Variants in GABRB1 observed in about 807,000 individuals in gnomAD.
GABRB1 encodes gamma-aminobutyric acid type A receptor subunit beta1, also known as gamma-aminobutyric acid receptor subunit beta-1.
A neutral mutation model predicts 51.6 loss-of-function variants in GABRB1; 17 were observed. The observed-to-expected ratio is 0.33, with a 90% confidence interval of 0.23 to 0.49. The LOEUF is 0.49. Ranked by LOEUF, GABRB1 falls within the 20% of genes least tolerant of loss-of-function variation. The pLI is 0.99. For missense variants in GABRB1, 410 were observed against 600.6 expected, an observed-to-expected ratio of 0.68 and a Z score of 3.32; for synonymous variants, 247 against 218.9, an observed-to-expected ratio of 1.13 and a Z score of -1.14.
chr4:47,057,038 G>C (rs575699074), intron 3 of GABRB1, among the ~76,000 whole-genome samples: 1 of 152,134 alleles, frequency 6.6e-6, no homozygotes, highest in African/African-American at 2.4e-5. Context: ...CCTGGGAGAC[G>C]AGGTTGCAGT....
At chr4:47,040,994 A>G (rs1725813588) in intron 3 of GABRB1, among the ~76,000 whole-genome samples, 1 of 152,132 alleles carries the variant, frequency 6.6e-6, no homozygotes. Flanking sequence ...ACTTACTTAC[A>G]CAGCATCTGG....
chr4:47,032,522 C>A lies in GABRB1; in HGVS notation c.240+38C>A, dbSNP rs778781828. On this transcript the variant is annotated intron_variant, in intron 3 of 8. Transcript: ENST00000295454. Reference sequence around the variant, plus strand: ...CCGAGGGGCCCGGCGGTTCGGCTTACGCAGATGGGAAATGGACAGGTCCCT... The same window carrying A: ...CCGAGGGGCCCGGCGGTTCGGCTTAAGCAGATGGGAAATGGACAGGTCCCT... 4.4e-6 allele frequency: 7 copies of A among 1,588,092 alleles called. No individual in the cohort carries two copies. In the East Asian group the frequency reaches 6.7e-5, roughly 15 times the overall value.
At chr4:47,066,887 T>C (rs1313052031) in intron 3 of GABRB1, among the ~76,000 whole-genome samples, 1 of 152,164 alleles carries the variant, frequency 6.6e-6, no homozygotes, top group Non-Finnish European at 1.5e-5. Context: ...TCCAGAAGGT[T>C]TTCAATTTAC....
chr4:47,352,629 T>C (rs989730307), intron 5 of GABRB1, among the ~76,000 whole-genome samples: 5 of 152,208 alleles, frequency 3.3e-5, no homozygotes, highest in Non-Finnish European at 5.9e-5. Flanking sequence ...AATCAATAAA[T>C]GTAATCCAGC....
intron 4 of GABRB1, among the ~76,000 whole-genome samples, chr4:47,183,816 A>G (rs759020567): frequency 6.6e-6 from 1 of 151,810 alleles, no homozygotes; most frequent in African/African-American, 2.4e-5. Context: ...TGGCTTCTAC[A>G]TTCAAATAGA....
At chr4:47,121,106 TG>T (rs1337661578) in intron 3 of GABRB1, among the ~76,000 whole-genome samples, 1 of 152,138 alleles carries the variant, frequency 6.6e-6, no homozygotes, top group African/African-American at 2.4e-5. Context: ...TAGTCCTTGG[TG>T]GCAAAGCTTA....
intron 4 of GABRB1, among the ~76,000 whole-genome samples, chr4:47,200,849 A>G (rs1038658633): frequency 5.3e-5 from 8 of 152,196 alleles, no homozygotes; most frequent in African/African-American, 1.4e-4. Context: ...TTTGCATAAT[A>G]TAGTGTACAT....
intron 5 of GABRB1, among the ~76,000 whole-genome samples, chr4:47,352,166 A>G (rs1726371977): frequency 6.6e-6 from 1 of 152,268 alleles, no homozygotes; most frequent in Middle Eastern, 3.4e-3. Flanking sequence ...GCCAGTGATG[A>G]CGAGCATTTT....
At chr4:47,145,295 C>A (rs1188806624) in intron 3 of GABRB1, among the ~76,000 whole-genome samples, 2 of 152,016 alleles carry the variant, frequency 1.3e-5, no homozygotes, top group African/African-American at 2.4e-5. Context: ...TTCTGCCAGG[C>A]AGCTCTTTCC....
At chr4:47,119,909 AG>A (rs1216203723) in intron 3 of GABRB1, among the ~76,000 whole-genome samples, 2 of 152,136 alleles carry the variant, frequency 1.3e-5, no homozygotes, top group Non-Finnish European at 2.9e-5. Context: ...CAAAAAAAAA[AG>A]GGCATGTGGC....
chr4:47,066,277 T>C (rs976347839), intron 3 of GABRB1, among the ~76,000 whole-genome samples: 1 of 152,234 alleles, frequency 6.6e-6, no homozygotes, highest in African/African-American at 2.4e-5. Context: ...CTAATGATCA[T>C]CTTGCCTTGA....
chr4:47,408,623 A>C (rs1162423816), intron 8 of GABRB1, among the ~76,000 whole-genome samples: 1 of 152,212 alleles, frequency 6.6e-6, no homozygotes. Context: ...CTTATTGTGA[A>C]AGAATATTAT....
chr4:47,082,300 T>A (rs1037219124), intron 3 of GABRB1, among the ~76,000 whole-genome samples: 64 of 152,104 alleles, frequency 4.2e-4, no homozygotes, highest in African/African-American at 1.5e-3. Context: ...AAGATAATTT[T>A]AAAAATGAAT....
chr4:47,110,433 T>C (rs1160919656), intron 3 of GABRB1, among the ~76,000 whole-genome samples: 1 of 152,210 alleles, frequency 6.6e-6, no homozygotes, highest in East Asian at 1.9e-4. Flanking sequence ...GTGGAAAAGA[T>C]GCACAAGCCA....
chr4:47,134,500 G>A lies in GABRB1; in HGVS notation c.241-26749G>A, dbSNP rs114149755. ...TTTCAAATATTAATGAGAGGAAAAT[G>A]ATGGATGCCCTTAAGAAAATAAAGT... On this transcript the variant is annotated intron_variant, in intron 3 of 8. Coordinates refer to ENST00000295454, the MANE Select transcript of GABRB1 (RefSeq NM_000812.4). Among the ~76,000 whole-genome samples the A allele has an allele frequency of 4.3e-3, 651 of 152,166 alleles. 3 individuals are homozygous for A. The highest frequency in any genetic ancestry group is 7.9e-3 in the Non-Finnish European group (538 of 67,984).
At position 47,183,110 on chromosome 4, in the gene GABRB1, G is replaced by A. The variant is rs1024311887; in HGVS notation, c.461+21641G>A. Among the ~76,000 whole-genome samples the A allele has an allele frequency of 1.3e-5, 2 of 151,528 alleles. 1 individual carries two copies. The highest frequency in any genetic ancestry group is 4.2e-4 in the South Asian group (2 of 4,804). On this transcript the variant is annotated intron_variant, in intron 4 of 8. Coordinates refer to ENST00000295454, the MANE Select transcript of GABRB1 (RefSeq NM_000812.4). ...ATTGATGATTGTAGTTCATTCAGTA[G>A]GGTGTTTCGTTTAAGGAGAAAAACA... is the stretch of plus-strand genomic sequence containing the variant.
intron 3 of GABRB1, among the ~76,000 whole-genome samples, chr4:47,035,291 T>A (rs1560504782): frequency 6.6e-6 from 1 of 152,004 alleles, no homozygotes; most frequent in South Asian, 2.1e-4. Context: ...TTGTGAAAAA[T>A]TAAGTGTTTT....
intron 8 of GABRB1, among the ~76,000 whole-genome samples, chr4:47,423,086 T>A (rs1334330888): frequency 6.7e-6 from 1 of 149,300 alleles, no homozygotes; most frequent in African/African-American, 2.5e-5. Flanking sequence ...AAAATCAACA[T>A]CAACACAAAG....
intron 5 of GABRB1, among the ~76,000 whole-genome samples, chr4:47,350,208 TATATATATATAG>T (rs1314132427): frequency 3.5e-3 from 319 of 91,852 alleles, no homozygotes; most frequent in Middle Eastern, 5.6e-3. Context: ...TATATATATA[TATATATATATAG>T]AGAGAGAGAG....
Sources: gnomAD v4.1 joint callset for allele counts (sites outside exome capture counted in the v4.1 genomes callset) on GRCh38, gnomAD v4.1.1 for gene constraint, MANE v1.5 for transcripts, NCBI Gene and HGNC (gene_info 2026-07-23, HGNC 2026-07-21) for gene names.